The following EPHA3 variants were observed in gnomAD, a reference collection of about 807,000 sequenced individuals.
The protein encoded by EPHA3 is ephrin type-A receptor 3.
Under a neutral mutation model 107.1 loss-of-function variants are expected in EPHA3, and 42 were observed. The ratio of observed to expected loss-of-function variants is 0.39; its 90% CI spans 0.31 to 0.51. EPHA3 has a LOEUF of 0.51. Among genes scored for constraint, EPHA3 ranks in the 20% least tolerant of loss-of-function variants. The pLI, the probability that EPHA3 is intolerant of heterozygous loss-of-function variation, is 0.78. For synonymous variants in EPHA3, 461 were observed against 424.8 expected (o/e 1.09, Z -1.05); for missense variants, 1,183 against 1,211.2 (o/e 0.98, Z 0.35).
At chr3:89,345,293 T>G (rs550940161) in intron 5 of EPHA3, among the ~76,000 whole-genome samples, 2 of 151,410 alleles carry the variant, frequency 1.3e-5, no homozygotes, top group African/African-American at 4.8e-5. Context: ...GAGAAGCTTT[T>G]TCAACATTTC....
Position 89,214,605 on chromosome 3 carries a change from T to A in EPHA3, c.814+4085T>A, listed in dbSNP as rs1256365368. On this transcript the variant is annotated intron_variant, in intron 3 of 16. Coordinates refer to ENST00000336596, the MANE Select transcript of EPHA3 (RefSeq NM_005233.6). The stretch of plus-strand genomic sequence containing the variant: ...AGGATTGTGCTTTTCTAAAGAGACA[T>A]TTTTTTTGTTCAATTAAACCTCTAG... Among the ~76,000 whole-genome samples, 3 of 151,730 alleles carry A rather than the reference T, an allele frequency of 2.0e-5. No individual in the cohort carries two copies. In the East Asian group the frequency reaches 5.8e-4, roughly 29 times the overall value.
chr3:89,209,811 T>C (rs1706223837), intron 2 of EPHA3, 49 bp from the exon 3 acceptor site: 5 of 1,472,114 alleles, frequency 3.4e-6, no homozygotes, highest in African/African-American at 1.4e-5. Context: ...GTTGTATTCG[T>C]TATTATCATT....
chr3:89,339,367 T>C (rs1707463307), intron 3 of EPHA3, among the ~76,000 whole-genome samples: 1 of 54,282 alleles, frequency 1.8e-5, no homozygotes, highest in African/African-American at 6.9e-5. Flanking sequence ...TGAGACTCCA[T>C]CTCAAAAAAA....
chr3:89,399,141 A>T (rs1559681290), intron 6 of EPHA3, among the ~76,000 whole-genome samples, 177 bp from the exon 7 acceptor site: 2 of 151,888 alleles, frequency 1.3e-5, no homozygotes, highest in Non-Finnish European at 2.9e-5. Flanking sequence ...AAAAAAAAAA[A>T]TGCCTAAGTT....
chr3:89,418,008 A>G (rs1709282338), intron 10 of EPHA3, among the ~76,000 whole-genome samples: 1 of 151,346 alleles, frequency 6.6e-6, no homozygotes, highest in Non-Finnish European at 1.5e-5. Flanking sequence ...TGGCAAATCA[A>G]TAGGACAACC....
At chr3:89,130,877 C>T (rs931785436) in intron 2 of EPHA3, among the ~76,000 whole-genome samples, 4 of 152,138 alleles carry the variant, frequency 2.6e-5, no homozygotes, top group Admixed American at 2.0e-4. Flanking sequence ...ACCTCGTGAT[C>T]CGCCCGCCTT....
At chr3:89,318,119 G>A (rs927067332) in intron 3 of EPHA3, among the ~76,000 whole-genome samples, 4 of 151,670 alleles carry the variant, frequency 2.6e-5, no homozygotes, top group Non-Finnish European at 5.9e-5. Context: ...GATTCAATTT[G>A]GAAAAACCTT....
chr3:89,324,846 C>T (rs1707130298), intron 3 of EPHA3, among the ~76,000 whole-genome samples: 1 of 152,100 alleles, frequency 6.6e-6, no homozygotes, highest in Non-Finnish European at 1.5e-5. Context: ...TAAACCCTTA[C>T]CCACCTCCCT....
intron 2 of EPHA3, among the ~76,000 whole-genome samples, chr3:89,134,340 T>A (rs1417292754): frequency 1.3e-4 from 19 of 151,988 alleles, no homozygotes; most frequent in Admixed American, 3.9e-4. Flanking sequence ...TTACATTAGG[T>A]ATATCTCCTA....
intron 11 of EPHA3, among the ~76,000 whole-genome samples, chr3:89,427,340 T>C (rs1709477959): frequency 6.6e-6 from 1 of 151,748 alleles, no homozygotes; most frequent in Admixed American, 6.6e-5. Flanking sequence ...AATCAAAGAG[T>C]TTTTTACACA....
At chr3:89,177,637 C>T (rs1705348429) in intron 2 of EPHA3, among the ~76,000 whole-genome samples, 1 of 152,170 alleles carries the variant, frequency 6.6e-6, no homozygotes, top group African/African-American at 2.4e-5. Context: ...AAAAGCCACT[C>T]AAATTGCCAG....
chr3:89,328,783 T>C (rs969009422), intron 3 of EPHA3, among the ~76,000 whole-genome samples: 2 of 152,126 alleles, frequency 1.3e-5, no homozygotes, highest in African/African-American at 4.8e-5. Context: ...CACATAATTG[T>C]TATGAATATG....
At chr3:89,329,408 G>T (rs1707241850) in intron 3 of EPHA3, among the ~76,000 whole-genome samples, 1 of 152,002 alleles carries the variant, frequency 6.6e-6, no homozygotes, top group South Asian at 2.1e-4. Context: ...TCTTCCTTAT[G>T]GTCCACATTC....
At chr3:89,109,400 T>C (rs7427935) in intron 1 of EPHA3, among the ~76,000 whole-genome samples, 144,692 of 152,046 alleles carry the variant, frequency 0.95, 68,925 homozygotes, top group African/African-American at 0.98. Flanking sequence ...TTTTGTTCTT[T>C]GCAGATATTA....
intron 1 of EPHA3, among the ~76,000 whole-genome samples, chr3:89,125,113 G>T (rs1704065304): frequency 6.6e-6 from 1 of 151,752 alleles, no homozygotes; most frequent in Non-Finnish European, 1.5e-5. Flanking sequence ...TACTAATACT[G>T]AGATTAAACT....
At chr3:89,365,128 T>C (rs1311138499) in intron 5 of EPHA3, among the ~76,000 whole-genome samples, 1 of 150,910 alleles carries the variant, frequency 6.6e-6, no homozygotes, top group Non-Finnish European at 1.5e-5. Context: ...AAAAGAATGA[T>C]TATTCTCTGT....
chr3:89,160,824 C>G (rs1303309997), intron 2 of EPHA3, among the ~76,000 whole-genome samples: 1 of 152,046 alleles, frequency 6.6e-6, no homozygotes, highest in Non-Finnish European at 1.5e-5. Flanking sequence ...GCTACTGTCT[C>G]AAACCTCAAA....
chr3:89,284,174 C>T (rs575598965), intron 3 of EPHA3, among the ~76,000 whole-genome samples: 132 of 152,180 alleles, frequency 8.7e-4, no homozygotes, highest in African/African-American at 3.1e-3. Flanking sequence ...TTATGTAACA[C>T]CTATTTTCAC....
intron 11 of EPHA3, among the ~76,000 whole-genome samples, chr3:89,425,378 A>C (rs1271745807): frequency 6.8e-6 from 1 of 146,722 alleles, no homozygotes; most frequent in East Asian, 2.0e-4. Context: ...AAATTTTGTC[A>C]ATTTTTTTCA....
Sources: allele counts gnomAD v4.1 joint callset (sites outside exome capture counted in the v4.1 genomes callset), GRCh38; gene constraint gnomAD v4.1.1; transcripts MANE v1.5; gene names NCBI Gene and HGNC (gene_info 2026-07-23, HGNC 2026-07-21).